The following MIAT variants were observed in gnomAD, a reference collection of about 807,000 sequenced individuals.
MIAT encodes the protein myocardial infarction associated transcript.
chr22:26,648,044 T>A (rs1930268394), intron 2 of MIAT, among the ~76,000 whole-genome samples: 1 of 151,836 alleles, frequency 6.6e-6, no homozygotes, highest in Non-Finnish European at 1.5e-5. Flanking sequence ...ATGAGACTCA[T>A]CTCCTGTGGC....
Position 26,647,374 on chromosome 22 carries a change from G to GGA in MIAT, n.646+114_646+115dup, listed in dbSNP as rs55740419. On this transcript the variant is annotated intron_variant and non_coding_transcript_variant, in intron 2 of 5. Transcript: ENST00000643270. ...TGGGGGCGGCGGGGACGTGGGGGGT[G>GGA]GAGAGAGAGAGAGAGAGAGAGAGAG... 2.8e-3 allele frequency: 361 copies of GGA among 126,960 alleles called. 5 individuals are homozygous for GGA. Among genetic ancestry groups the GGA allele is most frequent in the African/African-American group, 0.012 (181 of 14,838 alleles). 7.9% of individuals were successfully genotyped at this position (126,960 alleles called of 1,614,324 possible).
chr22:26,667,677 C>T (rs1602368501), intron 5 of MIAT: 1 of 181,444 alleles, frequency 5.5e-6, no homozygotes, highest in East Asian at 1.4e-4. Flanking sequence ...TTTTAGACAA[C>T]TTTTTTTTCC....
downstream of MIAT, chr22:26,671,358 C>T (rs558372745): frequency 1.0e-4 from 40 of 398,812 alleles, no homozygotes; most frequent in East Asian, 1.3e-3. Flanking sequence ...CTGGTGGGGG[C>T]GGGAGGCCTC....
At chr22:26,663,342 T>C in exon 3 of MIAT, 2 of 398,664 alleles carry the variant, frequency 5.0e-6, no homozygotes, top group Non-Finnish European at 8.8e-6. Context: ...ACCCATGTGG[T>C]TCCAGACACG....
At chr22:26,666,289 C>T (rs1930841010) in exon 4 of MIAT, 1 of 398,682 alleles carries the variant, frequency 2.5e-6, no homozygotes, top group African/African-American at 2.1e-5. Flanking sequence ...ACTGGTGACA[C>T]AGGGTGGTCT....
intron 2 of MIAT, among the ~76,000 whole-genome samples, chr22:26,650,021 G>A (rs750202762): frequency 6.6e-5 from 10 of 152,230 alleles, no homozygotes; most frequent in South Asian, 2.1e-4. Flanking sequence ...AGTTCTAGTC[G>A]CTAACAACTT....
At chr22:26,671,443 C>T (rs555411445), downstream of MIAT, 113 of 398,726 alleles carry the variant, frequency 2.8e-4, no homozygotes, top group African/African-American at 2.1e-3. Context: ...TCAGCCGGGA[C>T]GCTGTGGCGT....
exon 6 of MIAT, chr22:26,669,161 C>T: frequency 2.5e-6 from 1 of 398,748 alleles, no homozygotes; most frequent in Non-Finnish European, 4.4e-6. Context: ...AGGAGACAGT[C>T]CCAGCGTTTG....
At chr22:26,655,204 T>G (rs1365009412) in intron 2 of MIAT, among the ~76,000 whole-genome samples, 1 of 152,182 alleles carries the variant, frequency 6.6e-6, no homozygotes, top group East Asian at 1.9e-4. Context: ...CTTGGGACTC[T>G]CAAGCTTCCT....
chr22:26,658,526 GCTCCAGGACA>G (rs1930542667), intron 2 of MIAT, among the ~76,000 whole-genome samples: 1 of 152,182 alleles, frequency 6.6e-6, no homozygotes, highest in Non-Finnish European at 1.5e-5. Context: ...CCTCTCCTCG[GCTCCAGGACA>G]CTCCCTGGAG....
downstream of MIAT, chr22:26,670,602 TAAA>T (rs34401113): frequency 5.4e-3 from 1,666 of 307,868 alleles, no homozygotes; most frequent in East Asian, 0.013. Flanking sequence ...CATTGCTCCT[TAAA>T]AAAAAAAAAA....
intron 2 of MIAT, among the ~76,000 whole-genome samples, chr22:26,659,453 G>A (rs1197017253): frequency 6.6e-6 from 1 of 152,120 alleles, no homozygotes; most frequent in Non-Finnish European, 1.5e-5. Context: ...CCTTAACAGG[G>A]AAGAGTGGTG....
exon 6 of MIAT, chr22:26,668,889 C>T (rs1387306543): frequency 1.0e-5 from 4 of 398,524 alleles, no homozygotes; most frequent in African/African-American, 2.1e-5. Context: ...AGTGCACCAT[C>T]CTGAAAAGAG....
chr22:26,672,723 G>C, downstream of MIAT: 3 of 399,086 alleles, frequency 7.5e-6, no homozygotes, highest in Admixed American at 4.4e-5. Flanking sequence ...AATTAGCAGA[G>C]GGGCGTGTCC....
downstream of MIAT, chr22:26,673,195 C>T (rs1931127417): frequency 1.3e-5 from 5 of 398,616 alleles, no homozygotes; most frequent in Non-Finnish European, 2.2e-5. Flanking sequence ...TCAGGCCGGC[C>T]AGGAATGCAT....
At chr22:26,646,614 T>A (rs1484525992) in exon 1 of MIAT, 1 of 392,930 alleles carries the variant, frequency 2.5e-6, no homozygotes, top group African/African-American at 2.1e-5. Context: ...TAGTTGTGTC[T>A]GTTTATCTTC....
chr22:26,660,471 A>G (rs1377987965), intron 2 of MIAT, among the ~76,000 whole-genome samples: 1 of 151,806 alleles, frequency 6.6e-6, no homozygotes, highest in East Asian at 1.9e-4. Context: ...CAAAAAAAAA[A>G]AAAAAAAAAA....
chr22:26,674,492 C>T (rs1931185661), downstream of MIAT: 3 of 398,758 alleles, frequency 7.5e-6, no homozygotes, highest in Middle Eastern at 1.3e-3. Context: ...GGCTTACAGA[C>T]CTTAGAGGCA....
At chr22:26,676,472 C>T (rs1169454741) in exon 5 of MIAT, 1 of 397,970 alleles carries the variant, frequency 2.5e-6, no homozygotes, top group Non-Finnish European at 4.4e-6. Context: ...TCAATTCACG[C>T]TGGAAACATG....
Sources: allele counts gnomAD v4.1 joint callset (sites outside exome capture counted in the v4.1 genomes callset), GRCh38; gene constraint gnomAD v4.1.1; transcripts MANE v1.5; gene names NCBI Gene and HGNC (gene_info 2026-07-23, HGNC 2026-07-21).